Variants in MAGI2 observed in about 807,000 individuals in gnomAD.
MAGI2 encodes the protein membrane-associated guanylate kinase, WW and PDZ domain-containing protein 2.
In MAGI2, 35 loss-of-function variants were observed where a neutral mutation model predicts 133.3. The ratio of observed to expected loss-of-function variants is 0.26; its 90% CI spans 0.20 to 0.35. The LOEUF (loss-of-function observed/expected upper bound fraction) is 0.35. MAGI2 is among the 10% of genes least tolerant of loss of function. The pLI, the probability that MAGI2 is intolerant of heterozygous loss-of-function variation, is 1.00. For missense variants in MAGI2, 1,636 were observed against 1,863.4 expected, an observed-to-expected ratio of 0.88 and a Z score of 2.25; for synonymous variants, 729 against 710.6, an observed-to-expected ratio of 1.03 and a Z score of -0.41.
At chr7:78,578,014 T>A (rs1027627496) in intron 3 of MAGI2, among the ~76,000 whole-genome samples, 1 of 151,186 alleles carries the variant, frequency 6.6e-6, no homozygotes. Context: ...TGAAAACCAG[T>A]TATCACTGTG....
intron 20 of MAGI2, among the ~76,000 whole-genome samples, chr7:78,125,088 T>G (rs1820849868): frequency 2.0e-5 from 3 of 151,990 alleles, no homozygotes; most frequent in Admixed American, 2.0e-4. Flanking sequence ...TTGTTCTCCA[T>G]CTCTTGACCT....
intron 4 of MAGI2, 51 bp from the exon 5 acceptor site, chr7:78,501,838 G>A: frequency 7.3e-7 from 1 of 1,367,574 alleles, no homozygotes; most frequent in Non-Finnish European, 1.0e-6. Flanking sequence ...TGGTAACTCT[G>A]GACTGAGTAT....
intron 2 of MAGI2, among the ~76,000 whole-genome samples, chr7:78,642,472 A>T (rs1324883254): frequency 2.0e-5 from 3 of 152,188 alleles, no homozygotes; most frequent in African/African-American, 7.2e-5. Context: ...CTCTAGCAAG[A>T]CTATGTGCTA....
At chr7:78,544,206 C>T (rs1798632305) in intron 3 of MAGI2, among the ~76,000 whole-genome samples, 1 of 152,246 alleles carries the variant, frequency 6.6e-6, no homozygotes, top group South Asian at 2.1e-4. Context: ...TTATTATCAA[C>T]AGACAGCTGT....
intron 1 of MAGI2, among the ~76,000 whole-genome samples, chr7:79,293,169 T>C (rs1489553410): frequency 6.6e-6 from 1 of 152,218 alleles, no homozygotes; most frequent in Non-Finnish European, 1.5e-5. Context: ...TGTTCCCTTG[T>C]CTGAAATCCT....
At chr7:78,082,644 G>A (rs1034709195) in intron 20 of MAGI2, among the ~76,000 whole-genome samples, 1 of 152,282 alleles carries the variant, frequency 6.6e-6, no homozygotes, top group South Asian at 2.1e-4. Flanking sequence ...ACGGAAGTTT[G>A]GGAATAGTTC....
rs369238283 is a variant in MAGI2 at position 79,009,519 on chromosome 7, C to G, written c.302-2313G>C. On this transcript the variant is annotated intron_variant, in intron 1 of 21. Coordinates refer to ENST00000354212, the MANE Select transcript of MAGI2 (RefSeq NM_012301.4). ...TATCATAAGCATCTTTCAAGTCAGG[C>G]AATTTTATTAATCCAGTATTCTTAC... is the stretch of plus-strand genomic sequence containing the variant. 7.2e-5 allele frequency among the ~76,000 whole-genome samples: 11 copies of G among 152,204 alleles called. No homozygotes were observed. In the East Asian group the frequency reaches 2.1e-3, roughly 29 times the overall value.
chr7:78,649,502 A>G lies in MAGI2; in HGVS notation c.419-22263T>C, dbSNP rs1322829776. ...AGCCGCTAAAAGTTGTTCAGATCCA[A>G]ATCTTATGAATATTTTGAGTTGCAA... On this transcript the variant is annotated intron_variant, in intron 2 of 21. Coordinates refer to ENST00000354212, the MANE Select transcript of MAGI2 (RefSeq NM_012301.4). Among the ~76,000 whole-genome samples the G allele has an allele frequency of 3.9e-5, 6 of 152,272 alleles. No individual in the cohort carries two copies. In the East Asian group the frequency reaches 1.2e-3, roughly 29 times the overall value.
chr7:78,746,729 T>C (rs1427667961), intron 2 of MAGI2, among the ~76,000 whole-genome samples: 1 of 152,178 alleles, frequency 6.6e-6, no homozygotes, highest in Admixed American at 6.6e-5. Context: ...AAGTACAGGT[T>C]TTAATGTTTT....
At chr7:78,465,740 C>T (rs1269994688) in intron 6 of MAGI2, among the ~76,000 whole-genome samples, 3 of 152,142 alleles carry the variant, frequency 2.0e-5, no homozygotes, top group African/African-American at 4.8e-5. Flanking sequence ...GCTATGATTT[C>T]TCTGCTTAAC....
intron 21 of MAGI2, among the ~76,000 whole-genome samples, chr7:78,070,181 AT>A (rs1814395190): frequency 5.6e-5 from 1 of 17,724 alleles, no homozygotes; most frequent in African/African-American, 1.6e-4. Flanking sequence ...ACACATATAT[AT>A]ATATATATAT....
chr7:79,379,295 C>T (rs965607744), intron 1 of MAGI2, among the ~76,000 whole-genome samples: 1 of 151,816 alleles, frequency 6.6e-6, no homozygotes, highest in Non-Finnish European at 1.5e-5. Flanking sequence ...AAGAATTCAT[C>T]ATTTTTTATG....
intron 2 of MAGI2, among the ~76,000 whole-genome samples, chr7:78,838,025 A>G (rs780558369): frequency 6.6e-6 from 1 of 152,090 alleles, no homozygotes; most frequent in Non-Finnish European, 1.5e-5. Context: ...GGTCTCTTTG[A>G]CATTGTAGAT....
chr7:79,295,753 G>A (rs1423863717), intron 1 of MAGI2, among the ~76,000 whole-genome samples: 2 of 151,948 alleles, frequency 1.3e-5, no homozygotes, highest in African/African-American at 4.8e-5. Context: ...GCAGTGACTA[G>A]CATTGTGCTT....
intron 1 of MAGI2, among the ~76,000 whole-genome samples, chr7:79,258,457 T>C (rs1833853365): frequency 6.6e-6 from 1 of 152,168 alleles, no homozygotes; most frequent in African/African-American, 2.4e-5. Context: ...TTCTCCACAA[T>C]GCCATTAATC....
At chr7:78,284,312 C>A (rs570362481) in intron 9 of MAGI2, among the ~76,000 whole-genome samples, 1 of 152,130 alleles carries the variant, frequency 6.6e-6, no homozygotes, top group Admixed American at 6.6e-5. Context: ...GAGAACTATG[C>A]AGTTTAATTA....
At chr7:78,863,209 C>A (rs1241894692) in intron 2 of MAGI2, among the ~76,000 whole-genome samples, 5 of 152,170 alleles carry the variant, frequency 3.3e-5, no homozygotes, top group African/African-American at 1.2e-4. Flanking sequence ...GGAGGGAAGG[C>A]CTCCTGGCTT....
intron 9 of MAGI2, among the ~76,000 whole-genome samples, chr7:78,278,067 C>T (rs1159325200): frequency 6.6e-6 from 1 of 152,108 alleles, no homozygotes; most frequent in Non-Finnish European, 1.5e-5. Context: ...AGAGGGGAAA[C>T]AAAAGGGTAG....
chr7:78,209,668 C>T (rs1787579730), intron 10 of MAGI2, among the ~76,000 whole-genome samples: 1 of 152,178 alleles, frequency 6.6e-6, no homozygotes. Flanking sequence ...ACCTCCATGG[C>T]CACCATTGTA....
Sources: gnomAD v4.1 joint callset for allele counts (sites outside exome capture counted in the v4.1 genomes callset) on GRCh38, gnomAD v4.1.1 for gene constraint, MANE v1.5 for transcripts, NCBI Gene and HGNC (gene_info 2026-07-23, HGNC 2026-07-21) for gene names.